GPC6: variants seen among roughly 807,000 people sequenced by gnomAD.
The protein encoded by GPC6 is glypican-6.
A neutral mutation model predicts 55.2 loss-of-function variants in GPC6; 14 were observed. The ratio of observed to expected loss-of-function variants is 0.25; its 90% CI spans 0.17 to 0.40. The LOEUF (loss-of-function observed/expected upper bound fraction) is 0.40, where lower values mean the gene tolerates loss of function less well. GPC6 is among the 10% of genes least tolerant of loss of function. The pLI, the probability that GPC6 is intolerant of heterozygous loss-of-function variation, is 1.00. For missense variants in GPC6, 641 were observed against 708.5 expected, an observed-to-expected ratio of 0.90 and a Z score of 1.08; for synonymous variants, 278 against 259.6, an observed-to-expected ratio of 1.07 and a Z score of -0.68.
intron 2 of GPC6, among the ~76,000 whole-genome samples, chr13:93,810,386 G>T (rs1395784260): frequency 1.3e-5 from 2 of 152,152 alleles, no homozygotes; most frequent in African/African-American, 4.8e-5. Context: ...AGATAATAGA[G>T]GTTCAAGCAT....
intron 1 of GPC6, among the ~76,000 whole-genome samples, chr13:93,523,070 CAT>C (rs1881484925): frequency 1.3e-5 from 2 of 150,548 alleles, no homozygotes; most frequent in Non-Finnish European, 3.0e-5. Flanking sequence ...TATACATATA[CAT>C]ATATGTGTGT....
intron 2 of GPC6, among the ~76,000 whole-genome samples, chr13:93,612,369 C>A (rs1038762169): frequency 6.6e-6 from 1 of 151,952 alleles, no homozygotes; most frequent in African/African-American, 2.4e-5. Flanking sequence ...CATGGTGGCA[C>A]GTACCTGTTG....
At chr13:94,085,096 G>A (rs542963227) in intron 4 of GPC6, among the ~76,000 whole-genome samples, 7 of 152,102 alleles carry the variant, frequency 4.6e-5, no homozygotes, top group African/African-American at 1.4e-4. Context: ...GGCCGAGGCA[G>A]GCAGATCACA....
At chr13:93,780,598 C>CAT (rs1451769478) in intron 2 of GPC6, among the ~76,000 whole-genome samples, 5 of 138,708 alleles carry the variant, frequency 3.6e-5, no homozygotes, top group Non-Finnish European at 6.4e-5. Flanking sequence ...CAAAAATACA[C>CAT]ACACACACAC....
chr13:93,639,026 A>C (rs1158705843), intron 2 of GPC6, among the ~76,000 whole-genome samples: 1 of 152,160 alleles, frequency 6.6e-6, no homozygotes, highest in Non-Finnish European at 1.5e-5. Flanking sequence ...GGAAAAGCAA[A>C]ATAATGACAA....
chr13:93,895,031 C>T (rs905777258), intron 3 of GPC6, among the ~76,000 whole-genome samples: 11 of 151,048 alleles, frequency 7.3e-5, no homozygotes, highest in East Asian at 2.0e-4. Flanking sequence ...TCTTTTAAGA[C>T]GTATCCTCCC....
intron 1 of GPC6, among the ~76,000 whole-genome samples, chr13:93,441,510 C>T (rs1877801425): frequency 6.6e-6 from 1 of 152,154 alleles, no homozygotes; most frequent in South Asian, 2.1e-4. Context: ...AGTCTCTGTT[C>T]ATATCCTTCA....
intron 4 of GPC6, among the ~76,000 whole-genome samples, chr13:94,231,099 A>G (rs1890712503): frequency 6.6e-6 from 1 of 152,038 alleles, no homozygotes; most frequent in African/African-American, 2.4e-5. Flanking sequence ...TCACTACTAG[A>G]CCCCTAGAGC....
chr13:93,485,197 A>G (rs3858836), intron 1 of GPC6, among the ~76,000 whole-genome samples: 120,898 of 152,170 alleles, frequency 0.79, 48,192 homozygotes, highest in East Asian at 0.99. Context: ...TGAATTTATG[A>G]GAAGGAAGAG....
intron 6 of GPC6, among the ~76,000 whole-genome samples, chr13:94,364,869 C>T (rs911858956): frequency 3.3e-5 from 5 of 152,290 alleles, no homozygotes; most frequent in African/African-American, 9.6e-5. Flanking sequence ...GATGCCCCTC[C>T]CTATGGCAGT....
chr13:93,346,130 T>C (rs1447498280), intron 1 of GPC6, among the ~76,000 whole-genome samples: 1 of 152,166 alleles, frequency 6.6e-6, no homozygotes, highest in Non-Finnish European at 1.5e-5. Context: ...TCAAAGTACT[T>C]TGTAGTCAGA....
intron 6 of GPC6, 28 bp from the exon 7 acceptor site, chr13:94,382,386 C>G: frequency 1.2e-6 from 2 of 1,613,470 alleles, no homozygotes; most frequent in Non-Finnish European, 1.7e-6. Flanking sequence ...GCAGAATACT[C>G]ACTTGCTTTC....
chr13:94,351,450 A>G (rs1279976041), intron 6 of GPC6, among the ~76,000 whole-genome samples: 1 of 152,086 alleles, frequency 6.6e-6, no homozygotes, highest in African/African-American at 2.4e-5. Context: ...TTTTGTGGAA[A>G]AACAAAGCAA....
intron 1 of GPC6, among the ~76,000 whole-genome samples, chr13:93,245,481 T>G (rs2139020853): frequency 6.6e-6 from 1 of 152,308 alleles, no homozygotes; most frequent in African/African-American, 2.4e-5. Flanking sequence ...CCGAAAGGCT[T>G]GCAAAACACA....
intron 1 of GPC6, among the ~76,000 whole-genome samples, chr13:93,398,984 A>G (rs1238055506): frequency 6.6e-6 from 1 of 152,096 alleles, no homozygotes; most frequent in Non-Finnish European, 1.5e-5. Context: ...CCAGAAAGAG[A>G]AACTGAAGAA....
chr13:93,452,203 T>C (rs1055791512), intron 1 of GPC6, among the ~76,000 whole-genome samples: 11 of 152,220 alleles, frequency 7.2e-5, no homozygotes, highest in African/African-American at 2.7e-4. Context: ...CAGCCAACCA[T>C]AGTAATAACT....
chr13:93,886,083 A>G (rs372106030), intron 3 of GPC6, among the ~76,000 whole-genome samples: 1 of 152,142 alleles, frequency 6.6e-6, no homozygotes, highest in African/African-American at 2.4e-5. Flanking sequence ...AATGAATAAA[A>G]TATTGAATTT....
rs183893119 is a variant in GPC6 at position 93,596,321 on chromosome 13, G to A, written c.319+50900G>A. On this transcript the variant is annotated intron_variant, in intron 2 of 8. Transcript: ENST00000377047. Reference sequence around the variant, plus strand: ...ATAATATAGGATACAGAGCAAAGAAGGAATAAGGACCAAGGAGGTGAGAGC... The same window carrying A: ...ATAATATAGGATACAGAGCAAAGAAAGAATAAGGACCAAGGAGGTGAGAGC... 2.0e-3 allele frequency among the ~76,000 whole-genome samples: 306 copies of A among 152,184 alleles called. 2 individuals carry two copies. The highest frequency in any genetic ancestry group is 7.1e-3 in the African/African-American group (293 of 41,524).
chr13:94,338,878 C>T (rs1190335569), intron 6 of GPC6, among the ~76,000 whole-genome samples: 1 of 152,012 alleles, frequency 6.6e-6, no homozygotes, highest in Admixed American at 6.5e-5. Context: ...TGGAAATGGC[C>T]CTAATATCGA....
Sources: gnomAD v4.1 joint callset for allele counts (sites outside exome capture counted in the v4.1 genomes callset) on GRCh38, gnomAD v4.1.1 for gene constraint, MANE v1.5 for transcripts, NCBI Gene and HGNC (gene_info 2026-07-23, HGNC 2026-07-21) for gene names.